CLN8: variants seen among roughly 807,000 people sequenced by gnomAD.
The protein encoded by CLN8 is protein CLN8.
A neutral mutation model predicts 15.7 loss-of-function variants in CLN8; 14 were observed. That is an observed-to-expected ratio of 0.89 (90% confidence interval 0.59 to 1.39). The LOEUF (loss-of-function observed/expected upper bound fraction) is 1.39. CLN8 is among the 40% of genes most tolerant of loss of function. The pLI, the probability that CLN8 is intolerant of heterozygous loss-of-function variation, is 0.00. For missense variants in CLN8, 415 were observed against 364.0 expected, an observed-to-expected ratio of 1.14 and a Z score of -1.14; for synonymous variants, 188 against 151.0, an observed-to-expected ratio of 1.25 and a Z score of -1.80.
rs1047513246 is a variant in CLN8, at chr8:1,763,825, G to C, written c.-184G>C. On this transcript the variant is annotated 5_prime_UTR_variant, in exon 1 of 3. Coordinates refer to ENST00000331222, the MANE Select transcript of CLN8 (RefSeq NM_018941.4). Reference sequence around the variant, plus strand: ...GGCGGCAATGAGGTCAGTGACTGCCGGGAGTCCTGCAGGGGCGGGGCGGCG... The same window carrying C: ...GGCGGCAATGAGGTCAGTGACTGCCCGGAGTCCTGCAGGGGCGGGGCGGCG... The C allele has an allele frequency of 2.0e-5, 3 of 151,422 alleles. No homozygotes were observed. The highest frequency in any genetic ancestry group is 7.3e-5 in the African/African-American group (3 of 41,120). The allele number at this position is 151,422 out of a possible 1,614,324, so 9.4% of individuals were successfully genotyped here.
chr8:1,778,596 C>T (rs1801602976), intron 2 of CLN8, among the ~76,000 whole-genome samples: 2 of 152,114 alleles, frequency 1.3e-5, no homozygotes, highest in Admixed American at 6.5e-5. Context: ...TTCATTTGCA[C>T]CTGGGGTTGG....
chr8:1,770,256 G>C (rs1801245529), intron 1 of CLN8, among the ~76,000 whole-genome samples: 1 of 152,186 alleles, frequency 6.6e-6, no homozygotes, highest in Non-Finnish European at 1.5e-5. Flanking sequence ...ACTTTTCCAG[G>C]AGAGGGCCCA....
chr8:1,761,315 G>A (rs149153485), upstream of CLN8, among the ~76,000 whole-genome samples: 333 of 150,054 alleles, frequency 2.2e-3, 3 homozygotes, highest in African/African-American at 7.5e-3. Flanking sequence ...CCAAGAATTC[G>A]GAGTTCAGAG....
chr8:1,766,514 C>T (rs950115314), intron 1 of CLN8, among the ~76,000 whole-genome samples: 3 of 152,006 alleles, frequency 2.0e-5, no homozygotes, highest in African/African-American at 2.4e-5. Flanking sequence ...CTCAGCCTCC[C>T]GAGTAGCTGG....
At chr8:1,772,102 C>A (rs1563108740) in intron 2 of CLN8, among the ~76,000 whole-genome samples, 1 of 151,878 alleles carries the variant, frequency 6.6e-6, no homozygotes, top group East Asian at 1.9e-4. Context: ...CACCTGGCTA[C>A]CTTTTTTGTC....
At chr8:1,767,570 T>TTC (rs1801117317) in intron 1 of CLN8, among the ~76,000 whole-genome samples, 1 of 131,862 alleles carries the variant, frequency 7.6e-6, no homozygotes, top group South Asian at 2.7e-4. Flanking sequence ...TCTTTCTTTT[T>TTC]TTTTTTTTTT....
rs1585138420 is a variant in CLN8 at position 1,771,496 on chromosome 8, G to C, written c.442G>C (p.Gly148Arg). 6.2e-7 allele frequency: 1 copy of C among 1,614,068 alleles called. No homozygotes were observed. Among genetic ancestry groups the C allele is most frequent in the South Asian group, 1.1e-5 (1 of 91,078 alleles). Residue 148 changes from glycine (G) to arginine (R), a missense_variant, in exon 2 of 3, where the codon GGC becomes CGC. Physicochemically the swap from Gly to Arg is moderately radical, Grantham distance 125. Transcript: ENST00000331222. ...HHLFAFLGFL[G>R]CLVNLQAGHY... ...TCTCTTTGCCTTTCTTGGGTTTCTT[G>C]GCTGCTTGGTCAATCTCCAAGCTGG...
Position 1,771,405 on chromosome 8 carries a change from A to G in CLN8, c.351A>G (p.Glu117=). The G allele has an allele frequency of 1.9e-6, 3 of 1,614,174 alleles. No individual in the cohort carries two copies. The South Asian group carries it at 3.3e-5, about 18-fold the overall frequency. ...ITTATGFFCF[E]NVAVHLSNLI... ...CAGCAACGGGATTCTTTTGCTTTGAAAATGTTGCAGTCCACCTGTCCAACT... is the reference window on the plus strand; with the variant it reads ...CAGCAACGGGATTCTTTTGCTTTGAGAATGTTGCAGTCCACCTGTCCAACT... The change falls in exon 2 of 3, where the codon GAA becomes GAG. Residue 117 remains glutamate, a synonymous_variant. Coordinates refer to ENST00000331222, the MANE Select transcript of CLN8 (RefSeq NM_018941.4).
rs551042352 is a variant in CLN8, at chr8:1,780,581, G to A, written c.*14G>A. 6.2e-7 allele frequency: 1 copy of A among 1,610,628 alleles called. No individual in the cohort carries two copies. Among genetic ancestry groups the A allele is most frequent in the African/African-American group, 1.3e-5 (1 of 74,904 alleles). On this transcript the variant is annotated 3_prime_UTR_variant, in exon 3 of 3. Transcript: ENST00000331222. ...AAGAGGCCATAGCTGCTCCAGCCGG[G>A]GCTCCGGGGCGGCAGCAGAGCTGGC... is the stretch of plus-strand genomic sequence containing the variant.
chr8:1,762,728 A>G (rs1800830282), upstream of CLN8: 1 of 152,220 alleles, frequency 6.6e-6, no homozygotes, highest in Admixed American at 6.5e-5. Context: ...TAAGGCAGTT[A>G]TCTTCATAGT....
In CLN8 at chr8:1,771,415, G is replaced by C. The variant is rs1223417396; in HGVS notation, c.361G>C (p.Val121Leu). 6.2e-7 allele frequency: 1 copy of C among 1,614,190 alleles called. No individual in the cohort carries two copies. Among genetic ancestry groups the C allele is most frequent in the Admixed American group, 1.7e-5 (1 of 60,024 alleles). The stretch of plus-strand genomic sequence containing the variant: ...ATTCTTTTGCTTTGAAAATGTTGCA[G>C]TCCACCTGTCCAACTTGATCTTCCG... ...TGFFCFENVAVHLSNLIFRTF... is the reference protein window; with the variant it reads ...TGFFCFENVALHLSNLIFRTF... Residue 121 changes from valine (V) to leucine (L), a missense_variant, in exon 2 of 3, where the codon GTC (valine) becomes CTC (leucine). Coordinates refer to ENST00000331222, the MANE Select transcript of CLN8 (RefSeq NM_018941.4).
At chr8:1,758,009 A>G (rs1309531359) in intron 1 of CLN8, among the ~76,000 whole-genome samples, 2 of 152,128 alleles carry the variant, frequency 1.3e-5, no homozygotes, top group African/African-American at 2.4e-5. Flanking sequence ...AACCCCTCCA[A>G]GGTCACACAG....
At chr8:1,753,569 C>CAAAAAAAA (rs71190758), upstream of CLN8, among the ~76,000 whole-genome samples, 1 of 102,618 alleles carries the variant, frequency 9.7e-6, no homozygotes, top group East Asian at 2.9e-4. Flanking sequence ...GAAACTGTTT[C>CAAAAAAAA]AAAAAAAAAA....
At chr8:1,769,180 T>C (rs1479435691) in intron 1 of CLN8, among the ~76,000 whole-genome samples, 2 of 152,192 alleles carry the variant, frequency 1.3e-5, no homozygotes, top group Non-Finnish European at 1.5e-5. Flanking sequence ...TGCCTTTGAT[T>C]ATAGACCATT....
At chr8:1,763,045 T>A (rs550111772), upstream of CLN8, 1 of 152,294 alleles carries the variant, frequency 6.6e-6, no homozygotes, top group East Asian at 1.9e-4. Flanking sequence ...CGGAAACTCC[T>A]ACAGACAAAA....
At position 1,780,539 on chromosome 8, in the gene CLN8, G is replaced by C; in HGVS notation, c.833G>C (p.Gly278Ala). 6.2e-7 allele frequency: 1 copy of C among 1,614,132 alleles called. No homozygotes were observed. Among genetic ancestry groups the C allele is most frequent in the South Asian group, 1.1e-5 (1 of 91,082 alleles). Residue 278 changes from glycine to alanine, a missense_variant, in exon 3 of 3, where the codon GGG (glycine) becomes GCG (alanine). By Grantham distance (60) the Gly-to-Ala change is moderately conservative (BLOSUM62 0). Coordinates refer to ENST00000331222, the MANE Select transcript of CLN8 (RefSeq NM_018941.4). ...GCCAAGAGCAGGCCAGAAGGCAACG[G>C]GCAGCTGCTGCGGAAGAAGAGGCCA... ...PEAKSRPEGN[G>A]QLLRKKRP
rs1472960138 is a variant in CLN8 at position 1,781,017 on chromosome 8, G to C, written c.*450G>C. On this transcript the variant is annotated 3_prime_UTR_variant, in exon 3 of 3. Coordinates refer to ENST00000331222, the MANE Select transcript of CLN8 (RefSeq NM_018941.4). ...TTTCAGTTGGAGAGAATTGGGCTAAGATAGAAAATAACATGATTTGTTCCT... is the reference window on the plus strand; with the variant it reads ...TTTCAGTTGGAGAGAATTGGGCTAACATAGAAAATAACATGATTTGTTCCT... The C allele has an allele frequency of 5.8e-6, 1 of 172,438 alleles. No individual in the cohort carries two copies. Among genetic ancestry groups the C allele is most frequent in the East Asian group, 1.6e-4 (1 of 6,160 alleles). The allele number at this position is 172,438 out of a possible 1,614,324, so 10.7% of individuals were successfully genotyped here.
chr8:1,779,974 A>G lies in CLN8; in HGVS notation c.544-276A>G, dbSNP rs916029124. ...TACTGAAAGAAAGGTTGAATTTATCATAGCTTTAGGGAGCAGAAGCCAAAG... is the reference window on the plus strand; with the variant it reads ...TACTGAAAGAAAGGTTGAATTTATCGTAGCTTTAGGGAGCAGAAGCCAAAG... On this transcript the variant is annotated intron_variant, in intron 2 of 2. Coordinates refer to ENST00000331222, the MANE Select transcript of CLN8 (RefSeq NM_018941.4). 3.0e-6 allele frequency: 3 copies of G among 985,366 alleles called. 1 individual carries two copies. The highest frequency in any genetic ancestry group is 3.5e-5 in the African/African-American group (2 of 57,258). The allele number at this position is 985,366 out of a possible 1,614,324, so 61.0% of individuals were successfully genotyped here. A position where few individuals can be genotyped will look rare whatever the true frequency, so the allele number is the denominator to read the frequency against.
rs966203442 is a variant in CLN8 at position 1,771,276 on chromosome 8, T to C, written c.222T>C (p.Gly74=). 43 of 1,613,922 alleles carry C rather than the reference T, an allele frequency of 2.7e-5. No homozygotes were observed. The highest frequency in any genetic ancestry group is 3.4e-5 in the Non-Finnish European group (40 of 1,179,910). The change falls in exon 2 of 3, where the codon GGT becomes GGC. Residue 74 remains glycine, a synonymous_variant. Coordinates refer to ENST00000331222, the MANE Select transcript of CLN8 (RefSeq NM_018941.4). ...TGGCGGCCACGCGTGCAGTCTTTGGTGTTCAGAGCACAGCCGCAGGCCTGT... is the reference window on the plus strand; with the variant it reads ...TGGCGGCCACGCGTGCAGTCTTTGGCGTTCAGAGCACAGCCGCAGGCCTGT... ...WDLAATRAVF[G]VQSTAAGLWA...
Sources: gnomAD v4.1 joint callset for allele counts (sites outside exome capture counted in the v4.1 genomes callset) on GRCh38, gnomAD v4.1.1 for gene constraint, MANE v1.5 for transcripts, NCBI Gene and HGNC (gene_info 2026-07-23, HGNC 2026-07-21) for gene names.